Variants in PTPRD observed in about 807,000 individuals in gnomAD.
PTPRD encodes protein tyrosine phosphatase receptor type D.
A neutral mutation model predicts 214.5 loss-of-function variants in PTPRD; 34 were observed. The observed-to-expected ratio is 0.16, with a 90% CI of 0.12 to 0.21. The LOEUF is 0.21. Among genes scored for constraint, PTPRD ranks in the 10% least tolerant of loss-of-function variants. The pLI is 1.00. For missense variants in PTPRD, 2,545 were observed against 2,398.7 expected, an observed-to-expected ratio of 1.06 and a Z score of -1.27; for synonymous variants, 1,128 against 845.7, an observed-to-expected ratio of 1.33 and a Z score of -5.79.
chr9:8,493,724 T>G (rs1490886360), intron 26 of PTPRD, among the ~76,000 whole-genome samples: 1 of 152,192 alleles, frequency 6.6e-6, no homozygotes, highest in Non-Finnish European at 1.5e-5. Context: ...TTTTACCACA[T>G]CACTAGTATG....
chr9:10,266,586 G>T (rs1174091901), intron 3 of PTPRD, among the ~76,000 whole-genome samples: 1 of 152,266 alleles, frequency 6.6e-6, no homozygotes, highest in East Asian at 1.9e-4. Flanking sequence ...AAATTGCACT[G>T]ATAACATCAA....
chr9:10,291,595 T>C (rs1323539695), intron 3 of PTPRD, among the ~76,000 whole-genome samples: 4 of 151,730 alleles, frequency 2.6e-5, no homozygotes, highest in Admixed American at 6.6e-5. Context: ...GCTTTGAAAA[T>C]GGAGGAAGAG....
chr9:8,744,567 TG>T (rs1247547489), intron 11 of PTPRD, among the ~76,000 whole-genome samples: 1 of 152,212 alleles, frequency 6.6e-6, no homozygotes, highest in African/African-American at 2.4e-5. Context: ...AAACATTGCA[TG>T]TTCTCCCTCA....
intron 2 of PTPRD, among the ~76,000 whole-genome samples, chr9:10,578,030 G>C (rs372053915): frequency 2.6e-5 from 4 of 151,632 alleles, no homozygotes; most frequent in African/African-American, 7.3e-5. Flanking sequence ...TCTTGCCTCA[G>C]CTTCCTAAGT....
chr9:9,042,614 CTTTTCTTT>C lies in PTPRD; in HGVS notation c.-142-23887_-142-23880del, dbSNP rs753100985. Among the ~76,000 whole-genome samples, 161 of 112,414 alleles carry C rather than the reference CTTTTCTTT, an allele frequency of 1.4e-3. 3 individuals carry two copies. The highest frequency in any genetic ancestry group is 2.9e-3 in the African/African-American group (81 of 27,594). The allele number at this position is 112,414 out of a possible 152,430, so 73.7% of individuals were successfully genotyped here. A position where few individuals can be genotyped will look rare whatever the true frequency, so the allele number is the denominator to read the frequency against. On this transcript the variant is annotated intron_variant, in intron 10 of 45. Coordinates refer to ENST00000381196, the MANE Select transcript of PTPRD (RefSeq NM_002839.4). ...CCACTTAGCATTTTTTCTTTTTTTT[CTTTTCTTT>C]TTTTTTTTTTTTGGTCTATTCAACA...
At chr9:9,260,292 G>A (rs2099979517) in intron 9 of PTPRD, among the ~76,000 whole-genome samples, 1 of 151,794 alleles carries the variant, frequency 6.6e-6, no homozygotes, top group Non-Finnish European at 1.5e-5. Flanking sequence ...CCATCAGAGT[G>A]AGGCACATGA....
At chr9:8,320,055 T>G in intron 44 of PTPRD, 89 bp from the exon 45 acceptor site, 1 of 1,485,082 alleles carries the variant, frequency 6.7e-7, no homozygotes, top group Non-Finnish European at 9.0e-7. Context: ...TCTACCAGCT[T>G]CCACACTCCG....
In PTPRD at chr9:8,375,975, C is replaced by T. The variant is rs2083135634; in HGVS notation, c.4622G>A (p.Cys1541Tyr). Reference sequence around the variant, plus strand: ...CATCGGACCAGCATCGGGAGGGTTACAGGTTTTGACTCTACGTAAGAAAGC... The same window carrying T: ...CATCGGACCAGCATCGGGAGGGTTATAGGTTTTGACTCTACGTAAGAAAGC... ...FLAFLRRVKT[C>Y]NPPDAGPMVV... The change falls in exon 39 of 46, where the codon TGT becomes TAT. Residue 1541 changes from cysteine to tyrosine, a missense_variant. Physicochemically the swap from Cys to Tyr is radical, Grantham distance 194. Coordinates refer to ENST00000381196, the MANE Select transcript of PTPRD (RefSeq NM_002839.4). The T allele has an allele frequency of 6.2e-7, 1 of 1,612,806 alleles. No homozygotes were observed. The highest frequency in any genetic ancestry group is 2.2e-5 in the East Asian group (1 of 44,838).
chr9:10,160,565 A>G (rs2099121595), intron 3 of PTPRD, among the ~76,000 whole-genome samples: 1 of 151,972 alleles, frequency 6.6e-6, no homozygotes, highest in African/African-American at 2.4e-5. Context: ...CTGGATATAG[A>G]AAAAACATAC....
At chr9:9,033,438 A>C (rs1417175014) in intron 10 of PTPRD, among the ~76,000 whole-genome samples, 1 of 152,068 alleles carries the variant, frequency 6.6e-6, no homozygotes, top group East Asian at 1.9e-4. Flanking sequence ...CCCACATCTC[A>C]GAAAGGGGAA....
chr9:8,853,998 G>C (rs1011464124), intron 11 of PTPRD, among the ~76,000 whole-genome samples: 5 of 152,030 alleles, frequency 3.3e-5, no homozygotes, highest in African/African-American at 1.2e-4. Flanking sequence ...AAAAAGTAAA[G>C]CATTTTTTGA....
At chr9:9,797,855 A>AT (rs2099013665) in intron 5 of PTPRD, among the ~76,000 whole-genome samples, 1 of 152,216 alleles carries the variant, frequency 6.6e-6, no homozygotes, top group Non-Finnish European at 1.5e-5. Context: ...TCTCAAAAAA[A>AT]TAAAAAATAA....
intron 26 of PTPRD, among the ~76,000 whole-genome samples, chr9:8,496,889 T>C (rs1180867794): frequency 6.6e-6 from 1 of 152,212 alleles, no homozygotes. Context: ...ATTTTATGTG[T>C]GGTCCAAGAC....
chr9:10,595,221 G>A (rs1183149963), intron 2 of PTPRD, among the ~76,000 whole-genome samples: 2 of 151,780 alleles, frequency 1.3e-5, no homozygotes, highest in Admixed American at 6.6e-5. Context: ...AATTATCTAG[G>A]CAGCTGATGT....
chr9:8,717,446 T>C (rs959618036), intron 12 of PTPRD, among the ~76,000 whole-genome samples: 5 of 152,106 alleles, frequency 3.3e-5, no homozygotes, highest in Non-Finnish European at 7.4e-5. Context: ...AAAAATACAG[T>C]TCAGATCCTC....
In PTPRD at chr9:10,363,991, G is replaced by GTTTTTTTTTTTTTTTTTTTT. The variant is rs71270610; in HGVS notation, c.-599-22994_-599-22975dup. On this transcript the variant is annotated intron_variant, in intron 2 of 45. Coordinates refer to ENST00000381196, the MANE Select transcript of PTPRD (RefSeq NM_002839.4). ...ATTATTATTGCCTCCACATTTTCGG[G>GTTTTTTTTTTTTTTTTTTTT]TTTTTTTTTTTTTTTTTTTTTTTTT... Among the ~76,000 whole-genome samples the GTTTTTTTTTTTTTTTTTTTT allele has an allele frequency of 1.1e-4, 4 of 35,132 alleles. 1 individual carries two copies. Among genetic ancestry groups the GTTTTTTTTTTTTTTTTTTTT allele is most frequent in the African/African-American group, 4.9e-4 (4 of 8,092 alleles). The allele number at this position is 35,132 out of a possible 152,430, so 23.0% of individuals were successfully genotyped here.
At chr9:9,376,019 G>C (rs1000506663) in intron 9 of PTPRD, among the ~76,000 whole-genome samples, 2 of 152,030 alleles carry the variant, frequency 1.3e-5, no homozygotes, top group African/African-American at 2.4e-5. Flanking sequence ...TTGTAAAGAA[G>C]GTAGTGTTAA....
intron 4 of PTPRD, among the ~76,000 whole-genome samples, chr9:10,009,956 A>C (rs2154104256): frequency 6.6e-6 from 1 of 152,012 alleles, no homozygotes; most frequent in East Asian, 1.9e-4. Context: ...ATAATGAAGC[A>C]TATCCAATTC....
chr9:10,358,402 T>C lies in PTPRD; in HGVS notation c.-599-17385A>G, dbSNP rs375299236. Among the ~76,000 whole-genome samples, 92 of 152,108 alleles carry C rather than the reference T, an allele frequency of 6.0e-4. 1 individual carries two copies. The South Asian group carries it at 0.016, about 26-fold the overall frequency. The stretch of plus-strand genomic sequence containing the variant: ...TAATTATTCTGAATTTTACATCTTA[T>C]AGGGTATTATAATTTCATTGATCAA... On this transcript the variant is annotated intron_variant, in intron 2 of 45. Transcript: ENST00000381196.
Sources: allele counts gnomAD v4.1 joint callset (sites outside exome capture counted in the v4.1 genomes callset), GRCh38; gene constraint gnomAD v4.1.1; transcripts MANE v1.5; gene names NCBI Gene and HGNC (gene_info 2026-07-23, HGNC 2026-07-21).